The following EPHA6 variants were observed in gnomAD, a reference collection of about 807,000 sequenced individuals.
EPHA6 encodes the protein ephrin type-A receptor 6.
A neutral mutation model predicts 112.0 loss-of-function variants in EPHA6; 50 were observed. That is an observed-to-expected ratio of 0.45 (90% CI 0.36 to 0.56). EPHA6 has a LOEUF of 0.56. EPHA6 is among the 20% of genes least tolerant of loss of function. The pLI is 0.00. For synonymous variants in EPHA6, 529 were observed against 490.7 expected, an observed-to-expected ratio of 1.08 and a Z score of -1.03; for missense variants, 1,280 against 1,417.4, an observed-to-expected ratio of 0.90 and a Z score of 1.56.
intron 3 of EPHA6, among the ~76,000 whole-genome samples, chr3:97,221,347 C>T (rs1467221430): frequency 2.8e-5 from 3 of 106,646 alleles, no homozygotes; most frequent in South Asian, 6.3e-4. Flanking sequence ...AGGAAAGTAA[C>T]GATGGTCTAT....
intron 3 of EPHA6, among the ~76,000 whole-genome samples, chr3:97,135,944 G>A (rs766788835): frequency 1.3e-5 from 2 of 152,104 alleles, no homozygotes; most frequent in Non-Finnish European, 2.9e-5. Flanking sequence ...GGTGTTGTCT[G>A]AGATTGAAGC....
intron 5 of EPHA6, among the ~76,000 whole-genome samples, chr3:97,264,149 G>A (rs2079594333): frequency 6.6e-6 from 1 of 152,166 alleles, no homozygotes. Flanking sequence ...GGAAACCTCT[G>A]TGGCCTGTGG....
At chr3:97,318,239 T>C (rs2081938052) in intron 5 of EPHA6, among the ~76,000 whole-genome samples, 1 of 151,992 alleles carries the variant, frequency 6.6e-6, no homozygotes. Flanking sequence ...TGACCTGGAA[T>C]TGGAAGACTC....
intron 6 of EPHA6, among the ~76,000 whole-genome samples, chr3:97,426,378 G>A (rs113195344): frequency 5.9e-5 from 9 of 152,252 alleles, no homozygotes; most frequent in East Asian, 5.8e-4. Context: ...CAAATCTCAC[G>A]AGGCTAATTC....
intron 3 of EPHA6, among the ~76,000 whole-genome samples, chr3:97,145,582 T>C (rs1559756132): frequency 6.6e-6 from 1 of 151,588 alleles, no homozygotes; most frequent in Non-Finnish European, 1.5e-5. Flanking sequence ...TCCTATTTCA[T>C]GTTTATTTTA....
intron 3 of EPHA6, among the ~76,000 whole-genome samples, chr3:97,015,734 T>G (rs1022640557): frequency 6.6e-6 from 1 of 152,082 alleles, no homozygotes; most frequent in African/African-American, 2.4e-5. Flanking sequence ...GAGAGCGTGA[T>G]TCCACATCCA....
At chr3:97,673,132 T>TATCCTC (rs1362875487) in intron 14 of EPHA6, among the ~76,000 whole-genome samples, 1 of 152,220 alleles carries the variant, frequency 6.6e-6, no homozygotes, top group Admixed American at 6.5e-5. Flanking sequence ...AAAGAATAAT[T>TATCCTC]ATCCTCACAT....
intron 2 of EPHA6, among the ~76,000 whole-genome samples, chr3:96,972,424 AACACACAC>A (rs3070424): frequency 0.027 from 3,853 of 144,834 alleles, 143 homozygotes; most frequent in African/African-American, 0.087. Flanking sequence ...CACACACACA[AACACACAC>A]ACACACACAC....
intron 10 of EPHA6, among the ~76,000 whole-genome samples, chr3:97,519,925 A>G (rs564884151): frequency 3.6e-4 from 54 of 151,920 alleles, no homozygotes; most frequent in Admixed American, 1.8e-3. Context: ...TATCATATGC[A>G]AAAAGAGACA....
chr3:96,873,546 T>G (rs1407838547), intron 2 of EPHA6, among the ~76,000 whole-genome samples: 2 of 152,162 alleles, frequency 1.3e-5, no homozygotes, highest in Non-Finnish European at 2.9e-5. Context: ...TCTGTTTTCT[T>G]GCAATGAACG....
At chr3:96,874,847 C>T (rs1052506334) in intron 2 of EPHA6, among the ~76,000 whole-genome samples, 1 of 151,904 alleles carries the variant, frequency 6.6e-6, no homozygotes, top group East Asian at 1.9e-4. Flanking sequence ...AAGATACATG[C>T]AGAAGGGTTA....
At chr3:97,741,519 G>A (rs1371144983) in intron 16 of EPHA6, among the ~76,000 whole-genome samples, 1 of 152,036 alleles carries the variant, frequency 6.6e-6, no homozygotes, top group Non-Finnish European at 1.5e-5. Flanking sequence ...GCCAGTTGTG[G>A]TACTAGGGGC....
rs138678482 is a variant in EPHA6 at position 96,889,798 on chromosome 3, T to TATAC, written c.450+22910_450+22913dup. 8.2e-3 allele frequency among the ~76,000 whole-genome samples: 1,247 copies of TATAC among 152,294 alleles called. 16 individuals carry two copies. Among genetic ancestry groups the TATAC allele is most frequent in the African/African-American group, 0.022 (931 of 41,562 alleles). On this transcript the variant is annotated intron_variant, in intron 2 of 17. Transcript: ENST00000389672. ...GAAAACTTATTATAATGCTATAGTA[T>TATAC]ATACCCCAGTACAATATTGGTGCAG...
intron 6 of EPHA6, among the ~76,000 whole-genome samples, chr3:97,424,751 A>C (rs113392028): frequency 0.026 from 3,974 of 150,268 alleles, 129 homozygotes; most frequent in African/African-American, 0.085. Context: ...GGTTGCAGTG[A>C]GCCGAGACCA....
chr3:97,099,270 TA>T (rs148500574), intron 3 of EPHA6, among the ~76,000 whole-genome samples: 31,862 of 151,802 alleles, frequency 0.21, 4,748 homozygotes, highest in African/African-American at 0.4. Flanking sequence ...AAAATCTAAA[TA>T]TTTTTTTCCT....
At chr3:97,662,401 T>C (rs986635022) in intron 14 of EPHA6, among the ~76,000 whole-genome samples, 3 of 152,174 alleles carry the variant, frequency 2.0e-5, no homozygotes, top group Non-Finnish European at 2.9e-5. Flanking sequence ...AAAGGGATTC[T>C]TCTTTAGTGA....
At chr3:96,846,403 G>T (rs1166577706) in intron 1 of EPHA6, among the ~76,000 whole-genome samples, 1 of 152,014 alleles carries the variant, frequency 6.6e-6, no homozygotes, top group East Asian at 1.9e-4. Context: ...TCGGATTGAG[G>T]TGAGTCCAGT....
At chr3:97,418,375 A>C (rs1227754777) in intron 6 of EPHA6, among the ~76,000 whole-genome samples, 1 of 152,056 alleles carries the variant, frequency 6.6e-6, no homozygotes, top group Non-Finnish European at 1.5e-5. Flanking sequence ...CATGTTCAAA[A>C]TAGGAAAAAT....
intron 3 of EPHA6, among the ~76,000 whole-genome samples, chr3:97,056,565 C>CTT: frequency 6.6e-6 from 1 of 152,236 alleles, no homozygotes; most frequent in Middle Eastern, 3.4e-3. Flanking sequence ...TACTGTATAA[C>CTT]GCCAGAAGTA....
Sources: gnomAD v4.1 joint callset for allele counts (sites outside exome capture counted in the v4.1 genomes callset) on GRCh38, gnomAD v4.1.1 for gene constraint, MANE v1.5 for transcripts, NCBI Gene and HGNC (gene_info 2026-07-23, HGNC 2026-07-21) for gene names.